The following TRPM4 variants were observed in gnomAD, a reference collection of about 807,000 sequenced individuals.
TRPM4 encodes the protein calcium-activated non-selective cation channel 1.
A neutral mutation model predicts 135.6 loss-of-function variants in TRPM4; 124 were observed. The ratio of observed to expected loss-of-function variants is 0.91; its 90% CI spans 0.79 to 1.06. The LOEUF (loss-of-function observed/expected upper bound fraction) is 1.06. TRPM4 is among the 50% of genes least tolerant of loss of function. The pLI is 0.00. For synonymous variants in TRPM4, 745 were observed against 705.6 expected (o/e 1.06, Z -0.88); for missense variants, 1,658 against 1,671.4 (o/e 0.99, Z 0.14).
chr19:49,176,766 G>A (rs1307485988), intron 9 of TRPM4, among the ~76,000 whole-genome samples: 6 of 152,150 alleles, frequency 3.9e-5, no homozygotes, highest in South Asian at 4.1e-4. Context: ...CAGGAGAATC[G>A]CTTGAACCCA....
At chr19:49,176,608 A>G (rs1473199711) in intron 9 of TRPM4, among the ~76,000 whole-genome samples, 3 of 152,134 alleles carry the variant, frequency 2.0e-5, no homozygotes. Flanking sequence ...TAATCCCAAC[A>G]TTTTGGGAGG....
At position 49,171,805 on chromosome 19, in the gene TRPM4, TG is replaced by T. The variant is rs763676046; in HGVS notation, c.1050+39del. Reference sequence around the variant, plus strand: ...GGGGGCCCAACTCTGGATCCTGAGATGGGAGGGAACTGGGGACTTGGGCTCC... The same window carrying T: ...GGGGGCCCAACTCTGGATCCTGAGATGGAGGGAACTGGGGACTTGGGCTCC... On this transcript the variant is annotated intron_variant, in intron 8 of 24. Coordinates refer to ENST00000252826, the MANE Select transcript of TRPM4 (RefSeq NM_017636.4). The surrounding 1 kb of genome is among the most constrained non-coding windows in gnomAD (Gnocchi z 4.7). The T allele has an allele frequency of 3.1e-6, 5 of 1,597,204 alleles. No homozygotes were observed. The highest frequency in any genetic ancestry group is 3.4e-5 in the Admixed American group (2 of 58,916).
chr19:49,210,382 C>T lies in TRPM4; in HGVS notation c.3305C>T (p.Ser1102Phe), dbSNP rs1373104902. 2.5e-6 allele frequency: 4 copies of T among 1,613,786 alleles called. No homozygotes were observed. Among genetic ancestry groups the T allele is most frequent in the Non-Finnish European group, 2.5e-6 (3 of 1,180,044 alleles). ...AGGCGACCCCGGAGCCCCCAGCCGTCCTCCCCGGCCCTCGAGCATTTCCGT... is the reference window on the plus strand; with the variant it reads ...AGGCGACCCCGGAGCCCCCAGCCGTTCTCCCCGGCCCTCGAGCATTTCCGT... ...LCRRPRSPQP[S>F]SPALEHFRVY... Residue 1102 changes from serine (S) to phenylalanine (F), a missense_variant, in exon 21 of 25, where the codon TCC becomes TTC. This residue lies in a region of TRPM4 where 1,412 missense variants were observed against 1,408.7 expected (regional missense o/e 1.00). Transcript: ENST00000252826. This position sits in a 1 kb window ranked among gnomAD's most constrained non-coding sequence, Gnocchi z 4.1.
intron 9 of TRPM4, 31 bp from the exon 10 acceptor site, chr19:49,181,318 T>C (rs1384625622): frequency 3.2e-6 from 5 of 1,539,422 alleles, no homozygotes; most frequent in Non-Finnish European, 4.5e-6. Flanking sequence ...CTCCCCTGAC[T>C]TCTTGTCCCC....
In TRPM4 at chr19:49,171,698, A is replaced by C. The variant is rs1451927606; in HGVS notation, c.979A>C (p.Arg327=). 6.2e-7 allele frequency: 1 copy of C among 1,613,998 alleles called. No homozygotes were observed. Among genetic ancestry groups the C allele is most frequent in the Non-Finnish European group, 8.5e-7 (1 of 1,180,014 alleles). ...DTLAPGSGGA[R]QGEARDRIRR... ...TCTGGCCCCAGGGAGTGGGGGAGCCAGGCAAGGCGAAGCCCGAGATCGAAT... is the reference window on the plus strand; with the variant it reads ...TCTGGCCCCAGGGAGTGGGGGAGCCCGGCAAGGCGAAGCCCGAGATCGAAT... The change falls in exon 8 of 25, where the codon AGG becomes CGG. Residue 327 remains arginine (R), a synonymous_variant. Transcript: ENST00000252826. This position sits in a 1 kb window ranked among gnomAD's most constrained non-coding sequence, Gnocchi z 4.7.
chr19:49,182,983 C>A, intron 11 of TRPM4, 61 bp downstream of exon 11: 1 of 1,594,588 alleles, frequency 6.3e-7, no homozygotes, highest in South Asian at 1.1e-5. Context: ...GGCGGGATTA[C>A]ATCAGGGATG....
Position 49,188,787 on chromosome 19 carries a change from G to A in TRPM4, c.1873+17G>A. 6.2e-7 allele frequency: 1 copy of A among 1,613,796 alleles called. No homozygotes were observed. Among genetic ancestry groups the A allele is most frequent in the Non-Finnish European group, 8.5e-7 (1 of 1,179,836 alleles). On this transcript the variant is annotated intron_variant, in intron 13 of 24. Transcript: ENST00000252826. ...TGGGCGTTGGTGCGTGGGGCACGGT[G>A]CCTGGGAGCAGGGACGGGGGCTGCC...
At chr19:49,169,049 A>G (rs940311087) in intron 6 of TRPM4, among the ~76,000 whole-genome samples, 1 of 150,386 alleles carries the variant, frequency 6.6e-6, no homozygotes, top group African/African-American at 2.4e-5. Flanking sequence ...ATAAAAAATA[A>G]ATTAGCCAGG....
In TRPM4 at chr19:49,172,051, T is replaced by G; in HGVS notation, c.1093T>G (p.Ser365Ala). 6.2e-7 allele frequency: 1 copy of G among 1,614,054 alleles called. No individual in the cohort carries two copies. The highest frequency in any genetic ancestry group is 8.5e-7 in the Non-Finnish European group (1 of 1,179,974). ...MTRKELLTVY[S>A]SEDGSEEFET... ...CCGGAAGGAGCTCCTGACAGTCTATTCTTCTGAGGATGGGTCTGAGGAATT... is the reference window on the plus strand; with the variant it reads ...CCGGAAGGAGCTCCTGACAGTCTATGCTTCTGAGGATGGGTCTGAGGAATT... The change falls in exon 9 of 25, where the codon TCT (serine) becomes GCT (alanine). Residue 365 changes from serine (S) to alanine (A), a missense_variant. Ser to Ala is a moderately conservative substitution (Grantham distance 99). This residue lies in a region of TRPM4 where 1,412 missense variants were observed against 1,408.7 expected (regional missense o/e 1.00). Coordinates refer to ENST00000252826, the MANE Select transcript of TRPM4 (RefSeq NM_017636.4).
intron 12 of TRPM4, 114 bp downstream of exon 12, chr19:49,183,326 C>A: frequency 7.2e-7 from 1 of 1,382,398 alleles, no homozygotes; most frequent in Non-Finnish European, 1.0e-6. Context: ...GACAGGCGCC[C>A]CATCCTCCGT....
intron 2 of TRPM4, among the ~76,000 whole-genome samples, chr19:49,165,259 C>T (rs1239493774): frequency 1.3e-5 from 2 of 152,126 alleles, no homozygotes; most frequent in Non-Finnish European, 2.9e-5. Context: ...AAAGGTGTTT[C>T]CCTACTCGCT....
At position 49,200,452 on chromosome 19, in the gene TRPM4, A is replaced by T; in HGVS notation, c.2778+20A>T. ...AAGATGGTGAGGCAGGGGCGGGGCCAAAGTGGGCGGGGACATAGGGAAAGG... is the reference window on the plus strand; with the variant it reads ...AAGATGGTGAGGCAGGGGCGGGGCCTAAGTGGGCGGGGACATAGGGAAAGG... On this transcript the variant is annotated intron_variant, in intron 18 of 24. Coordinates refer to ENST00000252826, the MANE Select transcript of TRPM4 (RefSeq NM_017636.4). 1 of 1,611,700 alleles carries T rather than the reference A, an allele frequency of 6.2e-7. No individual in the cohort carries two copies.
At position 49,188,700 on chromosome 19, in the gene TRPM4, C is replaced by G. The variant is rs528980972; in HGVS notation, c.1803C>G (p.Arg601=). 1.1e-5 allele frequency: 17 copies of G among 1,614,178 alleles called. No homozygotes were observed. The East Asian group carries it at 3.3e-4, about 32-fold the overall frequency. Residue 601 remains arginine, a synonymous_variant, in exon 13 of 25, where the codon CGC becomes CGG. Coordinates refer to ENST00000252826, the MANE Select transcript of TRPM4 (RefSeq NM_017636.4). The stretch of plus-strand genomic sequence containing the variant: ...GTTTGCTGCTCCGGGTGATGGCACG[C>G]CTGGAGCCTGACGCTGAGGAGGCAG... ...GACLLLRVMA[R]LEPDAEEAAR...
intron 9 of TRPM4, 132 bp downstream of exon 9, chr19:49,172,240 T>C: frequency 1.3e-6 from 1 of 749,922 alleles, no homozygotes; most frequent in Non-Finnish European, 2.3e-6. Context: ...ATTTTTCCCC[T>C]TTGGGGCTTT....
Position 49,182,938 on chromosome 19 carries a change from A to G in TRPM4, c.1608+16A>G. ...CGGGGAGAGCGTAAGGACCGGGCAA[A>G]GCTGGGGGGCCCCCCCGCGCGGGAA... On this transcript the variant is annotated intron_variant, in intron 11 of 24. Transcript: ENST00000252826. The G allele has an allele frequency of 6.3e-7, 1 of 1,584,130 alleles. No individual in the cohort carries two copies. The highest frequency in any genetic ancestry group is 8.6e-7 in the Non-Finnish European group (1 of 1,165,014).
intron 9 of TRPM4, among the ~76,000 whole-genome samples, chr19:49,178,148 T>G (rs973245638): frequency 6.6e-6 from 1 of 152,048 alleles, no homozygotes; most frequent in Non-Finnish European, 1.5e-5. Context: ...CTGGGCAGCA[T>G]AGTGAGACCC....
chr19:49,160,253 G>T (rs773688232), intron 2 of TRPM4, among the ~76,000 whole-genome samples: 7 of 152,222 alleles, frequency 4.6e-5, no homozygotes, highest in South Asian at 4.1e-4. Flanking sequence ...CAATCTGGGA[G>T]GCCGAGGCGG....
intron 2 of TRPM4, chr19:49,160,050 AAGACGAGCCAC>A (rs1445864130): frequency 2.0e-5 from 3 of 152,208 alleles, no homozygotes; most frequent in Admixed American, 2.0e-4. Context: ...GCAGCTCCCA[AAGACGAGCCAC>A]TGGGCTCTGT....
chr19:49,203,187 C>T (rs113959674), intron 20 of TRPM4, among the ~76,000 whole-genome samples: 93 of 146,186 alleles, frequency 6.4e-4, no homozygotes, highest in South Asian at 2.6e-3. Flanking sequence ...CACCGCGCCC[C>T]GCCTTTTTTT....
Sources: gnomAD v4.1 joint callset for allele counts (sites outside exome capture counted in the v4.1 genomes callset) on GRCh38, gnomAD v4.1.1 for gene constraint, gnomAD v4.1.1 regional missense constraint, Gnocchi (gnomAD v3.1) non-coding constraint, MANE v1.5 for transcripts, NCBI Gene and HGNC (gene_info 2026-07-23, HGNC 2026-07-21) for gene names.